TDG: variants seen among roughly 807,000 people sequenced by gnomAD.
TDG encodes G/T mismatch-specific thymine DNA glycosylase.
Under a neutral mutation model 46.1 loss-of-function variants are expected in TDG, and 23 were observed. The ratio of observed to expected loss-of-function variants is 0.50; its 90% confidence interval spans 0.36 to 0.71. TDG has a LOEUF of 0.71. TDG is among the 30% of genes least tolerant of loss of function. The pLI, the probability that TDG is intolerant of heterozygous loss-of-function variation, is 0.00. For missense variants in TDG, 304 were observed against 486.7 expected (o/e 0.62, Z 3.53); for synonymous variants, 115 against 161.3 (o/e 0.71, Z 2.18).
chr12:103,977,476 C>G (rs1871597757), intron 2 of TDG, among the ~76,000 whole-genome samples: 1 of 152,170 alleles, frequency 6.6e-6, no homozygotes, highest in South Asian at 2.1e-4. Context: ...GGGACATGTC[C>G]AGGCTGAGGG....
intron 9 of TDG, 104 bp from the exon 10 acceptor site, chr12:103,986,844 C>T: frequency 7.9e-7 from 1 of 1,267,272 alleles, no homozygotes; most frequent in Non-Finnish European, 1.1e-6. Flanking sequence ...GTGATCATGC[C>T]ACTGCATTCC....
At chr12:103,983,095 G>A (rs1871939836) in intron 5 of TDG, 41 bp from the exon 6 acceptor site, 2 of 1,537,556 alleles carry the variant, frequency 1.3e-6, no homozygotes, top group African/African-American at 1.4e-5. Flanking sequence ...TATAAATATT[G>A]TCATATTTAT....
At chr12:103,968,368 T>G (rs1871152495) in intron 1 of TDG, among the ~76,000 whole-genome samples, 1 of 152,130 alleles carries the variant, frequency 6.6e-6, no homozygotes, top group Admixed American at 6.5e-5. Context: ...AGAGTAGACT[T>G]TATAGAAATG....
chr12:103,966,968 C>G (rs1871065111), intron 1 of TDG, among the ~76,000 whole-genome samples: 2 of 152,086 alleles, frequency 1.3e-5, no homozygotes, highest in Admixed American at 1.3e-4. Flanking sequence ...GCACACTAAC[C>G]AAAATAAATT....
At chr12:103,979,100 T>TC (rs370805473) in intron 2 of TDG, among the ~76,000 whole-genome samples, 10 of 68,310 alleles carry the variant, frequency 1.5e-4, no homozygotes, top group African/African-American at 5.4e-4. Context: ...GTGTTTTTCT[T>TC]TTTTCTTTCT....
chr12:103,967,989 C>T (rs1826607121), intron 1 of TDG: 1 of 152,012 alleles, frequency 6.6e-6, no homozygotes, highest in African/African-American at 2.4e-5. Flanking sequence ...ACACCACGCC[C>T]AGCTAATTTT....
At chr12:103,985,084 C>CAT (rs1872061241) in intron 8 of TDG, among the ~76,000 whole-genome samples, 164 bp downstream of exon 8, 5 of 150,028 alleles carry the variant, frequency 3.3e-5, no homozygotes, top group Non-Finnish European at 5.9e-5. Context: ...CATATATACA[C>CAT]ATAAGTATGT....
At chr12:103,970,297 G>A (rs1229890535) in intron 1 of TDG, among the ~76,000 whole-genome samples, 1 of 152,118 alleles carries the variant, frequency 6.6e-6, no homozygotes, top group Non-Finnish European at 1.5e-5. Flanking sequence ...GGGCAACATA[G>A]TGAAGCCCCA....
At chr12:103,984,000 CAG>C (rs1022705036) in intron 7 of TDG, among the ~76,000 whole-genome samples, 8 of 152,262 alleles carry the variant, frequency 5.3e-5, no homozygotes, top group African/African-American at 9.6e-5. Context: ...AAGAACAACA[CAG>C]TGCACAGATT....
At chr12:103,985,543 A>C (rs1872101160) in intron 8 of TDG, 60 bp from the exon 9 acceptor site, 1 of 1,536,024 alleles carries the variant, frequency 6.5e-7, no homozygotes, top group South Asian at 1.3e-5. Flanking sequence ...TTTCTGAATA[A>C]AGCTACTTTT....
chr12:103,985,797 TAGAA>T, intron 9 of TDG, 69 bp downstream of exon 9: 1 of 1,383,616 alleles, frequency 7.2e-7, no homozygotes, highest in African/African-American at 1.5e-5. Context: ...AAAATTTTAA[TAGAA>T]GGAGAGTAAA....
At chr12:103,981,039 T>A (rs1390451467) in intron 4 of TDG, 77 bp downstream of exon 4, 2 of 1,327,794 alleles carry the variant, frequency 1.5e-6, no homozygotes, top group Non-Finnish European at 2.1e-6. Flanking sequence ...AAAAACCAAT[T>A]GTGTTTTTAA....
intron 1 of TDG, among the ~76,000 whole-genome samples, chr12:103,973,589 A>G (rs926472364): frequency 6.6e-5 from 10 of 152,216 alleles, no homozygotes; most frequent in African/African-American, 2.4e-4. Flanking sequence ...ACTCATCATT[A>G]GAATATTTAA....
intron 2 of TDG, among the ~76,000 whole-genome samples, chr12:103,979,465 A>G (rs151133417): frequency 3.3e-5 from 5 of 151,602 alleles, no homozygotes; most frequent in East Asian, 1.9e-4. Context: ...CTGTTTCTCT[A>G]TTTTTCTGTT....
rs1872221677 is a variant in TDG at position 103,987,394 on chromosome 12, A to G, written c.*304A>G. The G allele has an allele frequency of 6.2e-6, 2 of 321,530 alleles. No individual in the cohort carries two copies. Among genetic ancestry groups the G allele is most frequent in the Non-Finnish European group, 1.2e-5 (2 of 168,270 alleles). The allele number at this position is 321,530 out of a possible 1,614,324, so 19.9% of individuals were successfully genotyped here. A position where few individuals can be genotyped will look rare whatever the true frequency, so the allele number is the denominator to read the frequency against. ...GTCACTTTTAATCTGTAATTTTAAA[A>G]TACAAGTCTGAATATTTATAGTTGA... On this transcript the variant is annotated 3_prime_UTR_variant, in exon 10 of 10. Transcript: ENST00000392872.
Position 103,974,179 on chromosome 12 carries a change from T to G in TDG, c.24-2739T>G, listed in dbSNP as rs556615155. Among the ~76,000 whole-genome samples the G allele has an allele frequency of 4.6e-5, 7 of 152,120 alleles. No individual in the cohort carries two copies. The East Asian group carries it at 1.4e-3, about 29-fold the overall frequency. ...TAAGCTTATCCAGGAAATGCTTTAG[T>G]TTGCCTTTTTTTTTTCCTGTTAACC... is the stretch of plus-strand genomic sequence containing the variant. On this transcript the variant is annotated intron_variant, in intron 1 of 9. Transcript: ENST00000392872.
chr12:103,971,198 T>TC (rs1871270356), intron 1 of TDG, among the ~76,000 whole-genome samples: 1 of 152,162 alleles, frequency 6.6e-6, no homozygotes, highest in Non-Finnish European at 1.5e-5. Flanking sequence ...CATACCACAG[T>TC]CCATTTTTAG....
At chr12:103,980,719 T>C (rs985558320) in intron 3 of TDG, 174 bp from the exon 4 acceptor site, 5 of 514,442 alleles carry the variant, frequency 9.7e-6, no homozygotes, top group Admixed American at 7.4e-5. Flanking sequence ...CTCTTTCCCA[T>C]ATATGAAATA....
rs772013454 is a variant in TDG at position 103,987,034 on chromosome 12, C to T, written c.1177C>T (p.Pro393Ser). 4 of 1,614,268 alleles carry T rather than the reference C, an allele frequency of 2.5e-6. No homozygotes were observed. Among genetic ancestry groups the T allele is most frequent in the Non-Finnish European group, 3.4e-6 (4 of 1,180,040 alleles). The change falls in exon 10 of 10, where the codon CCT (proline) becomes TCT (serine). Residue 393 changes from proline (P) to serine (S), a missense_variant. By Grantham distance (74) the Pro-to-Ser change is moderately conservative. Transcript: ENST00000392872. Reference protein sequence around the residue: ...WMTQSFTDQIPSFSNHCGTQE... With the variant: ...WMTQSFTDQISSFSNHCGTQE... ...GACCCAGTCATTTACAGACCAAATT[C>T]CTTCCTTTAGTAATCACTGTGGAAC...
Sources: allele counts gnomAD v4.1 joint callset (sites outside exome capture counted in the v4.1 genomes callset), GRCh38; gene constraint gnomAD v4.1.1; transcripts MANE v1.5; gene names NCBI Gene and HGNC (gene_info 2026-07-23, HGNC 2026-07-21).